The following KIF13B variants were observed in gnomAD, a reference collection of about 807,000 sequenced individuals.
KIF13B encodes the protein kinesin family member 13B, also known as kinesin-like protein KIF13B.
A neutral mutation model predicts 222.0 loss-of-function variants in KIF13B; 127 were observed. That is an observed-to-expected ratio of 0.57 (90% CI 0.50 to 0.66). The LOEUF is 0.66. Among genes scored for constraint, KIF13B ranks in the 30% least tolerant of loss-of-function variants. The pLI is 0.00. For synonymous variants in KIF13B, 976 were observed against 919.0 expected, an observed-to-expected ratio of 1.06 and a Z score of -1.12; for missense variants, 2,173 against 2,379.0, an observed-to-expected ratio of 0.91 and a Z score of 1.80.
chr8:29,108,949 A>G (rs1809225246), intron 34 of KIF13B, among the ~76,000 whole-genome samples: 1 of 152,230 alleles, frequency 6.6e-6, no homozygotes, highest in East Asian at 1.9e-4. Context: ...CACATAAATT[A>G]TATATAGGTT....
At chr8:29,262,649 G>A (rs1587003722) in intron 1 of KIF13B, among the ~76,000 whole-genome samples, 2 of 151,580 alleles carry the variant, frequency 1.3e-5, no homozygotes, top group East Asian at 1.9e-4. Context: ...GAGGCTGGGC[G>A]CGAGGGCCGA....
chr8:29,244,824 A>G (rs1815949947), intron 2 of KIF13B, among the ~76,000 whole-genome samples: 1 of 152,194 alleles, frequency 6.6e-6, no homozygotes, highest in African/African-American at 2.4e-5. Context: ...TCTTTCCCCC[A>G]AAGACATTAA....
intron 2 of KIF13B, among the ~76,000 whole-genome samples, chr8:29,244,991 A>G (rs1815957913): frequency 6.6e-6 from 1 of 152,222 alleles, no homozygotes; most frequent in African/African-American, 2.4e-5. Context: ...CTCTGACAGC[A>G]TTTGAACTGG....
At chr8:29,225,673 C>T (rs540734920) in intron 2 of KIF13B, among the ~76,000 whole-genome samples, 1 of 152,304 alleles carries the variant, frequency 6.6e-6, no homozygotes, top group Non-Finnish European at 1.5e-5. Context: ...CTTCCTGTGT[C>T]TGGCTGGATC....
intron 2 of KIF13B, among the ~76,000 whole-genome samples, chr8:29,198,338 G>A (rs1381130559): frequency 6.8e-6 from 1 of 147,416 alleles, no homozygotes; most frequent in Non-Finnish European, 1.5e-5. Flanking sequence ...GTTTTTTTTT[G>A]AGACAGAGTT....
chr8:29,128,427 C>T (rs1283896156), intron 24 of KIF13B, among the ~76,000 whole-genome samples: 2 of 152,218 alleles, frequency 1.3e-5, no homozygotes, highest in Non-Finnish European at 2.9e-5. Flanking sequence ...CAGGCAACCA[C>T]TGATCCTATC....
intron 38 of KIF13B, among the ~76,000 whole-genome samples, chr8:29,073,682 G>A (rs1440054498): frequency 1.3e-5 from 2 of 152,060 alleles, no homozygotes; most frequent in African/African-American, 2.4e-5. Context: ...ATGGGGAAGC[G>A]GCTGAGATCT....
Position 29,225,457 on chromosome 8 carries a change from G to A in KIF13B, c.149+19889C>T, listed in dbSNP as rs1814978205. 2.0e-5 allele frequency among the ~76,000 whole-genome samples: 3 copies of A among 152,176 alleles called. 1 individual carries two copies. Among genetic ancestry groups the A allele is most frequent in the Admixed American group, 6.5e-5 (1 of 15,274 alleles). On this transcript the variant is annotated intron_variant, in intron 2 of 39. Coordinates refer to ENST00000524189, the MANE Select transcript of KIF13B (RefSeq NM_015254.4). ...ATGCTTAGGTGGGAGCGTGACTGGA[G>A]ATAGGAGATCAGGTCAAAGGCTGTT... is the stretch of plus-strand genomic sequence containing the variant.
At position 29,072,147 on chromosome 8, in the gene KIF13B, G is replaced by A; in HGVS notation, c.4691C>T (p.Ala1564Val). ...GCTGTGGGAGAAGTACCCGCTAGAG[G>A]CTTCACTCAGGGGGCTGGGGGGCCC... ...QDGPPSPLSE[A>V]SSGYFSHSVS... The change falls in exon 39 of 40, where the codon GCC becomes GTC. Residue 1564 changes from alanine to valine, a missense_variant. Physicochemically the swap from Ala to Val is moderately conservative, Grantham distance 64 (BLOSUM62 0). Coordinates refer to ENST00000524189, the MANE Select transcript of KIF13B (RefSeq NM_015254.4). 1 of 1,408,512 alleles carries A rather than the reference G, an allele frequency of 7.1e-7. No homozygotes were observed. The highest frequency in any genetic ancestry group is 9.3e-7 in the Non-Finnish European group (1 of 1,080,122). The allele number at this position is 1,408,512 out of a possible 1,614,324, so 87.3% of individuals were successfully genotyped here.
chr8:29,113,106 T>C (rs1481226289), intron 32 of KIF13B, among the ~76,000 whole-genome samples: 2 of 152,180 alleles, frequency 1.3e-5, no homozygotes. Context: ...GCAAGTTCAC[T>C]CTGCTAATAA....
At position 29,263,062 on chromosome 8, in the gene KIF13B, C is replaced by T. The variant is rs1440094936; in HGVS notation, c.-28G>A. 6.4e-7 allele frequency: 1 copy of T among 1,564,970 alleles called. No homozygotes were observed. The highest frequency in any genetic ancestry group is 8.6e-7 in the Non-Finnish European group (1 of 1,156,224). ...TGCAGCCGCCGAGGAACTCGTTCGG[C>T]TTCCGTCTGCCGCGGCCACCGGCGA... On this transcript the variant is annotated 5_prime_UTR_variant, in exon 1 of 40. Transcript: ENST00000524189.
chr8:29,079,402 G>A (rs1288846047), intron 37 of KIF13B, among the ~76,000 whole-genome samples: 1 of 152,210 alleles, frequency 6.6e-6, no homozygotes, highest in Non-Finnish European at 1.5e-5. Context: ...ATCTGCTTTT[G>A]TGGCTCTAAA....
At chr8:29,227,416 A>T (rs902084027) in intron 2 of KIF13B, among the ~76,000 whole-genome samples, 1 of 151,976 alleles carries the variant, frequency 6.6e-6, no homozygotes, top group African/African-American at 2.4e-5. Context: ...CAGCCACCCA[A>T]GTACTTGGGA....
At chr8:29,081,271 C>T (rs979479544) in intron 37 of KIF13B, among the ~76,000 whole-genome samples, 1 of 152,250 alleles carries the variant, frequency 6.6e-6, no homozygotes, top group African/African-American at 2.4e-5. Context: ...GACAGGTGTG[C>T]ACCCTCCCCA....
At chr8:29,156,660 G>GCAC (rs1234173572) in intron 13 of KIF13B, among the ~76,000 whole-genome samples, 1 of 151,426 alleles carries the variant, frequency 6.6e-6, no homozygotes, top group African/African-American at 2.4e-5. Context: ...TCACAGGCAG[G>GCAC]CACCACCTTG....
intron 17 of KIF13B, 79 bp from the exon 18 acceptor site, chr8:29,146,619 G>T: frequency 8.0e-7 from 1 of 1,253,362 alleles, no homozygotes; most frequent in Non-Finnish European, 1.1e-6. Flanking sequence ...TACAGTGGTA[G>T]TACATCATTG....
In KIF13B at chr8:29,228,472, A is replaced by AAAAAAAATAT; in HGVS notation, c.149+16873_149+16874insATATTTTTTT. Among the ~76,000 whole-genome samples the AAAAAAAATAT allele has an allele frequency of 1.2e-3, 144 of 117,084 alleles. 8 individuals are homozygous for AAAAAAAATAT. Among genetic ancestry groups the AAAAAAAATAT allele is most frequent in the Non-Finnish European group, 2.0e-3 (111 of 56,650 alleles). 76.8% of individuals were successfully genotyped at this position (117,084 alleles called of 152,430 possible). A position where few individuals can be genotyped will look rare whatever the true frequency, so the allele number is the denominator to read the frequency against. On this transcript the variant is annotated intron_variant, in intron 2 of 39. Transcript: ENST00000524189. ...ACAGAGCCAGACTCCATCTTAAAAAAATATATATATATATATATGAGATAC... is the reference window on the plus strand; with the variant it reads ...ACAGAGCCAGACTCCATCTTAAAAAAAAAAAAATATATATATATATATATATATGAGATAC...
At chr8:29,235,032 A>C (rs1815445972) in intron 2 of KIF13B, among the ~76,000 whole-genome samples, 1 of 151,838 alleles carries the variant, frequency 6.6e-6, no homozygotes, top group Non-Finnish European at 1.5e-5. Context: ...TGCAATCTCT[A>C]ATCTACACAT....
rs535313479 is a variant in KIF13B, at chr8:29,184,304, T to C, written c.497+1988A>G. Among the ~76,000 whole-genome samples, 25 of 152,198 alleles carry C rather than the reference T, an allele frequency of 1.6e-4. No individual in the cohort carries two copies. In the South Asian group the frequency reaches 3.5e-3, roughly 21 times the overall value. ...CTTTAGAGATTTTAATCCATTTACTTTGAATCTTCAGAAACTAAAAAAAAA... is the reference window on the plus strand; with the variant it reads ...CTTTAGAGATTTTAATCCATTTACTCTGAATCTTCAGAAACTAAAAAAAAA... On this transcript the variant is annotated intron_variant, in intron 6 of 39. Transcript: ENST00000524189.
Sources: allele counts gnomAD v4.1 joint callset (sites outside exome capture counted in the v4.1 genomes callset), GRCh38; gene constraint gnomAD v4.1.1; transcripts MANE v1.5; gene names NCBI Gene and HGNC (gene_info 2026-07-23, HGNC 2026-07-21).